HS2ST1: variants seen among roughly 807,000 people sequenced by gnomAD.
HS2ST1 encodes 2-O-sulfotransferase.
Under a neutral mutation model 42.9 loss-of-function variants are expected in HS2ST1, and 18 were observed. That is an observed-to-expected ratio of 0.42 (90% CI 0.29 to 0.62). The LOEUF (loss-of-function observed/expected upper bound fraction) is 0.62, where lower values mean the gene tolerates loss of function less well. Ranked by LOEUF, HS2ST1 falls within the 20% of genes least tolerant of loss-of-function variation. The pLI, the probability that HS2ST1 is intolerant of heterozygous loss-of-function variation, is 0.21. For missense variants in HS2ST1, 334 were observed against 433.8 expected (o/e 0.77, Z 2.04); for synonymous variants, 146 against 152.9 (o/e 0.95, Z 0.33).
At chr1:87,055,996 G>A (rs1395069613) in intron 1 of HS2ST1, among the ~76,000 whole-genome samples, 3 of 152,200 alleles carry the variant, frequency 2.0e-5, no homozygotes, top group Admixed American at 6.5e-5. Context: ...GTGTGATTGA[G>A]TTGTGCTGTG....
In HS2ST1 at chr1:86,915,695, C is replaced by T. The variant is rs147774275; in HGVS notation, c.124+535C>T. On this transcript the variant is annotated intron_variant, in intron 1 of 6. Coordinates refer to ENST00000370550, the MANE Select transcript of HS2ST1 (RefSeq NM_012262.4). ...TGTGAACACTGTAGCGAGTTGCACTCTTGTGCTCCGGGCAGCAAAGGACCT... is the reference window on the plus strand; with the variant it reads ...TGTGAACACTGTAGCGAGTTGCACTTTTGTGCTCCGGGCAGCAAAGGACCT... Among the ~76,000 whole-genome samples, 862 of 152,326 alleles carry T rather than the reference C, an allele frequency of 5.7e-3. 5 individuals carry two copies. The highest frequency in any genetic ancestry group is 0.014 in the Middle Eastern group (4 of 292).
At chr1:86,938,711 T>C (rs961033046) in intron 1 of HS2ST1, among the ~76,000 whole-genome samples, 2 of 152,176 alleles carry the variant, frequency 1.3e-5, no homozygotes, top group African/African-American at 4.8e-5. Flanking sequence ...CACAGTTAAG[T>C]AACTGCTTAT....
At chr1:86,917,890 C>T (rs1385631307) in intron 1 of HS2ST1, among the ~76,000 whole-genome samples, 9 of 152,104 alleles carry the variant, frequency 5.9e-5, no homozygotes. Flanking sequence ...TTATGTTACC[C>T]AATGAAACAA....
chr1:87,091,608 G>T (rs1651945394), intron 3 of HS2ST1, among the ~76,000 whole-genome samples: 1 of 151,956 alleles, frequency 6.6e-6, no homozygotes, highest in African/African-American at 2.4e-5. Context: ...ATCTAAGCAA[G>T]CACTGAGAAA....
chr1:86,971,460 A>G (rs1294333177), intron 1 of HS2ST1, among the ~76,000 whole-genome samples: 5 of 152,118 alleles, frequency 3.3e-5, no homozygotes, highest in African/African-American at 1.2e-4. Context: ...ACCCTAACCA[A>G]TATATAAATT....
intron 1 of HS2ST1, chr1:87,045,603 A>C: frequency 1.3e-6 from 1 of 782,594 alleles, no homozygotes; most frequent in Non-Finnish European, 2.4e-6. Flanking sequence ...ATTCAAAACA[A>C]TTGTTCTGCA....
At chr1:86,921,173 A>T (rs555980847) in intron 1 of HS2ST1, among the ~76,000 whole-genome samples, 1 of 152,248 alleles carries the variant, frequency 6.6e-6, no homozygotes, top group African/African-American at 2.4e-5. Flanking sequence ...TATGCTGTAG[A>T]TGTCGGTTGG....
intron 1 of HS2ST1, among the ~76,000 whole-genome samples, chr1:87,034,955 A>G (rs1004027469): frequency 5.3e-5 from 8 of 152,186 alleles, no homozygotes; most frequent in Non-Finnish European, 8.8e-5. Flanking sequence ...AAGTATCCTT[A>G]TAAGAGGGAG....
chr1:86,945,948 C>G (rs1474239715), intron 1 of HS2ST1, among the ~76,000 whole-genome samples: 1 of 152,096 alleles, frequency 6.6e-6, no homozygotes, highest in East Asian at 1.9e-4. Context: ...CTCTTTAAAA[C>G]AAAATTCAAG....
At chr1:86,985,479 TATATAC>T (rs1648747739) in intron 1 of HS2ST1, among the ~76,000 whole-genome samples, 6 of 114,336 alleles carry the variant, frequency 5.2e-5, no homozygotes, top group African/African-American at 1.9e-4. Context: ...TATATACACA[TATATAC>T]ACATATATAT....
At chr1:87,094,336 A>G (rs1404952909) in intron 4 of HS2ST1, among the ~76,000 whole-genome samples, 1 of 152,032 alleles carries the variant, frequency 6.6e-6, no homozygotes, top group Non-Finnish European at 1.5e-5. Flanking sequence ...GGTAATAATA[A>G]CTAATAATAA....
chr1:86,916,470 G>C (rs995209231), intron 1 of HS2ST1, among the ~76,000 whole-genome samples: 2 of 152,138 alleles, frequency 1.3e-5, no homozygotes, highest in Non-Finnish European at 2.9e-5. Context: ...CTTTGCAAAA[G>C]CCTTGACATT....
intron 1 of HS2ST1, among the ~76,000 whole-genome samples, chr1:86,987,904 TG>T (rs1199179492): frequency 6.6e-6 from 1 of 152,204 alleles, no homozygotes; most frequent in Non-Finnish European, 1.5e-5. Context: ...GGGGCTGTTT[TG>T]GAAAATCTTC....
chr1:87,103,371 G>A, intron 5 of HS2ST1, 61 bp from the exon 6 acceptor site: 1 of 1,457,034 alleles, frequency 6.9e-7, no homozygotes. Context: ...TGGTGTCAAA[G>A]GCACCAGAAA....
chr1:87,076,334 T>A (rs1223106367), intron 2 of HS2ST1, among the ~76,000 whole-genome samples: 2 of 152,176 alleles, frequency 1.3e-5, no homozygotes, highest in Non-Finnish European at 2.9e-5. Context: ...AATTAGGGGT[T>A]AAATATGAAT....
chr1:87,099,858 C>T (rs933897461), intron 5 of HS2ST1, among the ~76,000 whole-genome samples: 3 of 152,126 alleles, frequency 2.0e-5, no homozygotes, highest in Non-Finnish European at 2.9e-5. Context: ...AAAAGAAAGG[C>T]GCAGTAGGCC....
intron 1 of HS2ST1, among the ~76,000 whole-genome samples, chr1:86,938,842 T>C (rs1353587473): frequency 1.3e-5 from 2 of 152,192 alleles, no homozygotes; most frequent in African/African-American, 2.4e-5. Flanking sequence ...GTCTAGGAAA[T>C]GTCAGAACAG....
intron 1 of HS2ST1, among the ~76,000 whole-genome samples, chr1:86,963,683 CG>C (rs71082048): frequency 0.76 from 115,024 of 150,442 alleles, 44,651 homozygotes; most frequent in East Asian, 0.95. Context: ...ACCTCCCAGA[CG>C]GGGGTGACAG....
At chr1:87,046,374 T>C in intron 1 of HS2ST1, 1 of 765,304 alleles carries the variant, frequency 1.3e-6, no homozygotes. Flanking sequence ...AAGTATCTCC[T>C]GACAGAGCTG....
Sources: allele counts gnomAD v4.1 joint callset (sites outside exome capture counted in the v4.1 genomes callset), GRCh38; gene constraint gnomAD v4.1.1; transcripts MANE v1.5; gene names NCBI Gene and HGNC (gene_info 2026-07-23, HGNC 2026-07-21).